DOCK4: variants seen among roughly 807,000 people sequenced by gnomAD.
The protein encoded by DOCK4 is dedicator of cytokinesis 4, also known as dedicator of cytokinesis protein 4.
A neutral mutation model predicts 268.1 loss-of-function variants in DOCK4; 97 were observed. That is an observed-to-expected ratio of 0.36 (90% confidence interval 0.31 to 0.43). DOCK4 has a LOEUF of 0.43. Ranked by LOEUF, DOCK4 falls within the 20% of genes least tolerant of loss-of-function variation. The pLI is 1.00. For missense variants in DOCK4, 2,145 were observed against 2,455.7 expected (o/e 0.87, Z 2.67); for synonymous variants, 954 against 887.2 (o/e 1.08, Z -1.34).
At chr7:112,033,047 T>C (rs567725165) in intron 1 of DOCK4, among the ~76,000 whole-genome samples, 28 of 152,320 alleles carry the variant, frequency 1.8e-4, no homozygotes, top group African/African-American at 6.7e-4. Context: ...TTAGCAATAA[T>C]CTGAGTAAGC....
chr7:111,840,633 A>T (rs980479733), intron 25 of DOCK4: 1 of 198,354 alleles, frequency 5.0e-6, no homozygotes, highest in African/African-American at 2.4e-5. Context: ...GGCCTCTGTT[A>T]TCTGGAACTA....
chr7:111,869,479 C>T (rs150689403), intron 21 of DOCK4, 95 bp downstream of exon 21: 11 of 1,020,424 alleles, frequency 1.1e-5, no homozygotes, highest in Non-Finnish European at 1.7e-5. Flanking sequence ...AATACATCAT[C>T]ACCCATTACT....
intron 1 of DOCK4, among the ~76,000 whole-genome samples, chr7:112,132,227 A>G (rs1321844596): frequency 6.6e-6 from 1 of 152,126 alleles, no homozygotes; most frequent in Non-Finnish European, 1.5e-5. Context: ...GTGGTTGCTT[A>G]GTCTTAACTA....
chr7:112,191,159 C>T (rs6977818), intron 1 of DOCK4, among the ~76,000 whole-genome samples: 16,797 of 152,208 alleles, frequency 0.11, 1,905 homozygotes, highest in African/African-American at 0.29. Context: ...GGTGGGATCA[C>T]AGCTCACTGC....
At position 112,098,418 on chromosome 7, in the gene DOCK4, C is replaced by T. The variant is rs568178572; in HGVS notation, c.38-94287G>A. Among the ~76,000 whole-genome samples, 6 of 151,802 alleles carry T rather than the reference C, an allele frequency of 4.0e-5. No homozygotes were observed. In the Middle Eastern group the frequency reaches 0.017, roughly 439 times the overall value. ...GGTCTCAAACTCCTGACCTCATGAG[C>T]CCCCCACCTCAGCCTCCCAAAGTAT... On this transcript the variant is annotated intron_variant, in intron 1 of 52. Coordinates refer to ENST00000428084, the MANE Select transcript of DOCK4 (RefSeq NM_001363540.2).
intron 1 of DOCK4, among the ~76,000 whole-genome samples, chr7:112,073,568 C>T (rs1807796680): frequency 6.6e-6 from 1 of 151,594 alleles, no homozygotes; most frequent in African/African-American, 2.4e-5. Flanking sequence ...AAATATTATT[C>T]AGCCATAAAA....
At chr7:112,146,144 G>T (rs927152031) in intron 1 of DOCK4, among the ~76,000 whole-genome samples, 1 of 152,188 alleles carries the variant, frequency 6.6e-6, no homozygotes, top group Non-Finnish European at 1.5e-5. Flanking sequence ...AACCTGAGGT[G>T]ACTTTACAGA....
intron 27 of DOCK4, among the ~76,000 whole-genome samples, chr7:111,813,924 A>G (rs1801341036): frequency 6.6e-6 from 1 of 152,236 alleles, no homozygotes; most frequent in Admixed American, 6.5e-5. Flanking sequence ...CTAAGTTTAA[A>G]GAAGAAAAAT....
chr7:111,954,373 T>A (rs1214192240), intron 8 of DOCK4, among the ~76,000 whole-genome samples: 2 of 152,130 alleles, frequency 1.3e-5, no homozygotes, highest in Non-Finnish European at 2.9e-5. Context: ...TACGGGGCTT[T>A]GGTGCTTATG....
chr7:111,746,814 C>T (rs1471961471), intron 43 of DOCK4, among the ~76,000 whole-genome samples: 3 of 110,912 alleles, frequency 2.7e-5, no homozygotes, highest in African/African-American at 1.1e-4. Flanking sequence ...TCGGTCTTAT[C>T]TTTTTTTTTT....
At chr7:112,086,560 A>T (rs775719374) in intron 1 of DOCK4, among the ~76,000 whole-genome samples, 1 of 152,156 alleles carries the variant, frequency 6.6e-6, no homozygotes, top group Non-Finnish European at 1.5e-5. Context: ...ACAGCAGTGT[A>T]TGAGACACAG....
At chr7:111,743,005 AAAAG>A (rs1351248904) in intron 44 of DOCK4, among the ~76,000 whole-genome samples, 1 of 152,160 alleles carries the variant, frequency 6.6e-6, no homozygotes, top group Non-Finnish European at 1.5e-5. Context: ...AAAGAAAAAA[AAAAG>A]AAAAAAGAAA....
chr7:111,790,060 T>C (rs950666662), intron 31 of DOCK4, among the ~76,000 whole-genome samples: 3 of 152,168 alleles, frequency 2.0e-5, no homozygotes, highest in Non-Finnish European at 4.4e-5. Flanking sequence ...AAACATACTG[T>C]AAATCAAATG....
intron 1 of DOCK4, among the ~76,000 whole-genome samples, chr7:112,053,076 A>G (rs1415979773): frequency 6.6e-6 from 1 of 152,212 alleles, no homozygotes; most frequent in Non-Finnish European, 1.5e-5. Flanking sequence ...CAAACACATA[A>G]TATGATTCTG....
At position 112,188,388 on chromosome 7, in the gene DOCK4, C is replaced by T. The variant is rs560265160; in HGVS notation, c.37+17714G>A. ...CAAACTATCCTTTCACAGCTGAGGCCCTAAGAAGATAAATGCTTTGCCTGA... is the reference window on the plus strand; with the variant it reads ...CAAACTATCCTTTCACAGCTGAGGCTCTAAGAAGATAAATGCTTTGCCTGA... On this transcript the variant is annotated intron_variant, in intron 1 of 52. Coordinates refer to ENST00000428084, the MANE Select transcript of DOCK4 (RefSeq NM_001363540.2). 3.0e-4 allele frequency among the ~76,000 whole-genome samples: 46 copies of T among 152,266 alleles called. 2 individuals are homozygous for T. The South Asian group carries it at 6.4e-3, about 21-fold the overall frequency.
chr7:111,863,836 A>G (rs538148155), intron 22 of DOCK4, among the ~76,000 whole-genome samples: 1 of 152,246 alleles, frequency 6.6e-6, no homozygotes, highest in Non-Finnish European at 1.5e-5. Flanking sequence ...AAAACCTCAC[A>G]GAATCAGTGA....
intron 12 of DOCK4, among the ~76,000 whole-genome samples, chr7:111,917,065 G>A (rs1284093862): frequency 7.3e-6 from 1 of 137,728 alleles, no homozygotes; most frequent in Non-Finnish European, 1.5e-5. Context: ...TTGGCTCACT[G>A]CAACCTCCGC....
intron 1 of DOCK4, among the ~76,000 whole-genome samples, chr7:112,176,172 AGGGGTGTGT>A (rs1193877940): frequency 6.6e-6 from 1 of 152,214 alleles, no homozygotes; most frequent in African/African-American, 2.4e-5. Context: ...TACTAAGAAC[AGGGGTGTGT>A]GGAAGACTGA....
intron 36 of DOCK4, among the ~76,000 whole-genome samples, chr7:111,772,792 G>T (rs570337355): frequency 6.6e-6 from 1 of 152,058 alleles, no homozygotes; most frequent in Non-Finnish European, 1.5e-5. Context: ...GTGAAACTCC[G>T]TCTCAAAAAC....
Sources: gnomAD v4.1 joint callset for allele counts (sites outside exome capture counted in the v4.1 genomes callset) on GRCh38, gnomAD v4.1.1 for gene constraint, MANE v1.5 for transcripts, NCBI Gene and HGNC (gene_info 2026-07-23, HGNC 2026-07-21) for gene names.